The following RSRC1 variants were observed in gnomAD, a reference collection of about 807,000 sequenced individuals.
The protein encoded by RSRC1 is arginine and serine rich coiled-coil 1, also known as serine/Arginine-related protein 53.
In RSRC1, 39 loss-of-function variants were observed where a neutral mutation model predicts 49.1. The observed-to-expected ratio is 0.79, with a 90% CI of 0.61 to 1.04. RSRC1 has a LOEUF of 1.04. Among genes scored for constraint, RSRC1 ranks in the 50% least tolerant of loss-of-function variants. The probability of loss-of-function intolerance (pLI) is 0.00; values close to 1 mark genes in which losing one functional copy is unlikely to be tolerated. For missense variants in RSRC1, 388 were observed against 402.4 expected (o/e 0.96, Z 0.31); for synonymous variants, 143 against 130.8 (o/e 1.09, Z -0.63).
chr3:158,485,621 T>C (rs1255925760), intron 7 of RSRC1, among the ~76,000 whole-genome samples: 1 of 152,116 alleles, frequency 6.6e-6, no homozygotes, highest in Non-Finnish European at 1.5e-5. Context: ...GTGGTTTTTA[T>C]TTTTTCCTAC....
intron 6 of RSRC1, among the ~76,000 whole-genome samples, chr3:158,457,186 T>G (rs1737371201): frequency 6.6e-6 from 1 of 152,110 alleles, no homozygotes; most frequent in Admixed American, 6.6e-5. Context: ...CCTTTCTTGT[T>G]CAAAGTAAAA....
rs184232972 is a variant in RSRC1, at chr3:158,152,206, G to A, written c.320+28215G>A. Among the ~76,000 whole-genome samples, 47 of 152,074 alleles carry A rather than the reference G, an allele frequency of 3.1e-4. 1 individual carries two copies. The highest frequency in any genetic ancestry group is 5.3e-4 in the Non-Finnish European group (36 of 68,008). On this transcript the variant is annotated intron_variant, in intron 3 of 9. Coordinates refer to ENST00000611884, the MANE Select transcript of RSRC1 (RefSeq NM_001271838.2). ...GACCTTAGGCAAATAATTGAACTTAGCTGAACTTCAGTTTTAGGGAATCAT... is the reference window on the plus strand; with the variant it reads ...GACCTTAGGCAAATAATTGAACTTAACTGAACTTCAGTTTTAGGGAATCAT...
At chr3:158,365,943 G>T (rs1340251658) in intron 6 of RSRC1, among the ~76,000 whole-genome samples, 2 of 152,124 alleles carry the variant, frequency 1.3e-5, no homozygotes, top group African/African-American at 4.8e-5. Flanking sequence ...CCACATAAAT[G>T]TCTTCTTTTG....
rs142485684 is a variant in RSRC1, at chr3:158,114,220, G to A, written c.-3+3997G>A. ...ACTTTCAATTTTCTACATATGGCTA[G>A]CCAGTTCTCCCAGTACCATTTATTA... is the stretch of plus-strand genomic sequence containing the variant. On this transcript the variant is annotated intron_variant, in intron 1 of 9. Transcript: ENST00000611884. 9.0e-3 allele frequency among the ~76,000 whole-genome samples: 1,371 copies of A among 152,224 alleles called. 41 individuals carry two copies. The highest frequency in any genetic ancestry group is 0.065 in the Admixed American group (988 of 15,294).
chr3:158,337,556 C>A (rs1729988180), intron 5 of RSRC1, among the ~76,000 whole-genome samples: 1 of 152,106 alleles, frequency 6.6e-6, no homozygotes, highest in African/African-American at 2.4e-5. Flanking sequence ...TACAAACTGT[C>A]CAGAATAGGC....
At chr3:158,393,877 A>G (rs1010194702) in intron 6 of RSRC1, among the ~76,000 whole-genome samples, 1 of 152,020 alleles carries the variant, frequency 6.6e-6, no homozygotes, top group Non-Finnish European at 1.5e-5. Context: ...GGCCAAAGTC[A>G]TTGATGAATG....
At chr3:158,164,447 CTTAT>C (rs1206476739) in intron 3 of RSRC1, among the ~76,000 whole-genome samples, 1 of 151,790 alleles carries the variant, frequency 6.6e-6, no homozygotes, top group Admixed American at 6.6e-5. Context: ...TATGTATACA[CTTAT>C]TTAAACATCT....
intron 5 of RSRC1, among the ~76,000 whole-genome samples, chr3:158,311,843 A>T (rs1298197486): frequency 6.6e-6 from 1 of 152,268 alleles, no homozygotes; most frequent in East Asian, 1.9e-4. Context: ...TATAATTTTT[A>T]TGTGTCAGTT....
intron 5 of RSRC1, among the ~76,000 whole-genome samples, chr3:158,327,625 AT>A (rs1314010616): frequency 3.3e-5 from 5 of 151,934 alleles, no homozygotes; most frequent in Admixed American, 6.6e-5. Flanking sequence ...GTTCTTTTAC[AT>A]TTGCTGAGGA....
intron 6 of RSRC1, among the ~76,000 whole-genome samples, chr3:158,360,935 C>T (rs1472911424): frequency 1.3e-5 from 2 of 152,216 alleles, no homozygotes. Context: ...GCTGCGCCCC[C>T]TCACAGCCTG....
At chr3:158,448,099 TGGAATG>T (rs1379921815) in intron 6 of RSRC1, among the ~76,000 whole-genome samples, 1 of 151,886 alleles carries the variant, frequency 6.6e-6, no homozygotes, top group East Asian at 1.9e-4. Context: ...ACATCTGTCT[TGGAATG>T]GGAGTTATCA....
At chr3:158,457,158 A>G (rs1164000520) in intron 6 of RSRC1, among the ~76,000 whole-genome samples, 1 of 152,214 alleles carries the variant, frequency 6.6e-6, no homozygotes, top group Admixed American at 6.6e-5. Flanking sequence ...TTAGAAGTAC[A>G]GAGATCAAAT....
At chr3:158,278,239 A>G (rs114942420) in intron 4 of RSRC1, among the ~76,000 whole-genome samples, 2,458 of 152,306 alleles carry the variant, frequency 0.016, 87 homozygotes, top group African/African-American at 0.056. Context: ...TTTTACATTC[A>G]GATGTTTTTA....
intron 3 of RSRC1, chr3:158,136,632 G>A (rs1610267): frequency 0.71 from 107,811 of 151,582 alleles, 39,052 homozygotes; most frequent in African/African-American, 0.84. Flanking sequence ...CTAAGACTAG[G>A]GAAGATAAGG....
chr3:158,477,798 T>TTATA (rs67839411), intron 7 of RSRC1, among the ~76,000 whole-genome samples: 1,436 of 89,670 alleles, frequency 0.016, 54 homozygotes, highest in South Asian at 0.028. Context: ...CGGGAGGGAT[T>TTATA]TATATATATA....
rs551422375 is a variant in RSRC1, at chr3:158,298,572, C to T, written c.531+497C>T. On this transcript the variant is annotated intron_variant, in intron 5 of 9. Transcript: ENST00000611884. The stretch of plus-strand genomic sequence containing the variant: ...TTTAGAATATAAAATAATTGAGATG[C>T]AAAATTTTTGGTTTAAGTAAACATT... 5.3e-5 allele frequency among the ~76,000 whole-genome samples: 8 copies of T among 152,072 alleles called. No individual in the cohort carries two copies. In the East Asian group the frequency reaches 1.5e-3, roughly 29 times the overall value.
At chr3:158,285,747 C>A (rs1171745448) in intron 4 of RSRC1, among the ~76,000 whole-genome samples, 1 of 151,988 alleles carries the variant, frequency 6.6e-6, no homozygotes, top group Non-Finnish European at 1.5e-5. Context: ...GATTTTGTAT[C>A]CTGAGACTTT....
chr3:158,233,689 C>A (rs1037037573), intron 4 of RSRC1, among the ~76,000 whole-genome samples: 3 of 151,730 alleles, frequency 2.0e-5, no homozygotes, highest in African/African-American at 4.8e-5. Flanking sequence ...ATAATGAAAT[C>A]TTGATATATT....
intron 3 of RSRC1, among the ~76,000 whole-genome samples, chr3:158,159,777 C>T (rs1463533416): frequency 6.6e-6 from 1 of 151,920 alleles, no homozygotes; most frequent in Non-Finnish European, 1.5e-5. Flanking sequence ...TGAGCCTCAC[C>T]TCAGTCTATT....
Sources: allele counts gnomAD v4.1 joint callset (sites outside exome capture counted in the v4.1 genomes callset), GRCh38; gene constraint gnomAD v4.1.1; transcripts MANE v1.5; gene names NCBI Gene and HGNC (gene_info 2026-07-23, HGNC 2026-07-21).